The following ELFN1 variants were observed in gnomAD, a reference collection of about 807,000 sequenced individuals.
The protein encoded by ELFN1 is extracellular leucine rich repeat and fibronectin type III domain containing 1.
Under a neutral mutation model 7.6 loss-of-function variants are expected in ELFN1, and 6 were observed. The ratio of observed to expected loss-of-function variants is 0.79; its 90% CI spans 0.43 to 1.56. The LOEUF (loss-of-function observed/expected upper bound fraction) is 1.56. Among genes scored for constraint, ELFN1 ranks in the 40% most tolerant of loss-of-function variants. The probability of loss-of-function intolerance (pLI) is 0.01; values close to 1 mark genes in which losing one functional copy is unlikely to be tolerated. For synonymous variants in ELFN1, 657 were observed against 588.1 expected (o/e 1.12, Z -1.70); for missense variants, 1,169 against 1,232.2 (o/e 0.95, Z 0.77).
chr7:1,703,534 G>A (rs990220292), intron 2 of ELFN1, among the ~76,000 whole-genome samples: 8 of 152,030 alleles, frequency 5.3e-5, no homozygotes, highest in African/African-American at 1.7e-4. Context: ...TGCTTACCCC[G>A]TCTGGAATTT....
intron 3 of ELFN1, among the ~76,000 whole-genome samples, chr7:1,719,073 T>C (rs1319288857): frequency 6.6e-6 from 1 of 151,642 alleles, no homozygotes; most frequent in Non-Finnish European, 1.5e-5. Context: ...AGTGCCTCCA[T>C]CTCCACCCCC....
chr7:1,739,562 C>G lies in ELFN1; in HGVS notation c.-293-4742C>G, dbSNP rs1437865429. On this transcript the variant is annotated intron_variant, in intron 3 of 3. Coordinates refer to ENST00000424383, the MANE Select transcript of ELFN1 (RefSeq NM_001128636.4). This position sits in a 1 kb window ranked among gnomAD's most constrained non-coding sequence, Gnocchi z 4.6. ...TGCACAGAGACAAGAGCACGGGGCACAAGACCCCCTGGGAGAGCTGGGGAG... is the reference window on the plus strand; with the variant it reads ...TGCACAGAGACAAGAGCACGGGGCAGAAGACCCCCTGGGAGAGCTGGGGAG... The G allele has an allele frequency of 6.5e-6, 1 of 153,182 alleles. No individual in the cohort carries two copies. The highest frequency in any genetic ancestry group is 1.5e-5 in the Non-Finnish European group (1 of 68,790). 9.5% of individuals were successfully genotyped at this position (153,182 alleles called of 1,614,324 possible). A position where few individuals can be genotyped will look rare whatever the true frequency, so the allele number is the denominator to read the frequency against.
chr7:1,667,965 TG>T (rs201869702), upstream of ELFN1, among the ~76,000 whole-genome samples: 5,102 of 44,610 alleles, frequency 0.11, 49 homozygotes, highest in South Asian at 0.18. The surrounding 1 kb of genome is among the most constrained non-coding windows in gnomAD (Gnocchi z 8.2). Flanking sequence ...CCGCTCGGGG[TG>T]GGGGGGGGGG....
At chr7:1,721,580 C>T (rs1780023231) in intron 3 of ELFN1, among the ~76,000 whole-genome samples, 1 of 152,226 alleles carries the variant, frequency 6.6e-6, no homozygotes, top group Non-Finnish European at 1.5e-5. Flanking sequence ...GATGAAGGTT[C>T]AGCTTCTCAC....
intron 2 of ELFN1, among the ~76,000 whole-genome samples, chr7:1,689,900 G>C (rs956271676): frequency 6.6e-6 from 1 of 152,194 alleles, no homozygotes; most frequent in African/African-American, 2.4e-5. Flanking sequence ...TCAGGGATCT[G>C]AGCCAATGCA....
chr7:1,720,561 G>A (rs934043652), intron 3 of ELFN1, among the ~76,000 whole-genome samples: 5 of 152,220 alleles, frequency 3.3e-5, no homozygotes, highest in African/African-American at 1.2e-4. Context: ...ATCTAACCAG[G>A]CAGGTGGTAG....
chr7:1,691,214 A>C (rs1450570401), intron 2 of ELFN1, among the ~76,000 whole-genome samples: 1 of 152,182 alleles, frequency 6.6e-6, no homozygotes, highest in Non-Finnish European at 1.5e-5. Context: ...TGCAGACAGC[A>C]GGGTCTAAAC....
intron 3 of ELFN1, among the ~76,000 whole-genome samples, chr7:1,711,575 T>TGAGAGAGAGAGAGAGA (rs55658122): frequency 1.1e-5 from 1 of 87,544 alleles, no homozygotes; most frequent in African/African-American, 4.7e-5. Flanking sequence ...AGCGAGAGAG[T>TGAGAGAGAGAGAGAGA]GAGAGAGAGA....
chr7:1,707,877 T>C (rs1779568625), intron 2 of ELFN1, among the ~76,000 whole-genome samples: 1 of 152,152 alleles, frequency 6.6e-6, no homozygotes, highest in Admixed American at 6.5e-5. Flanking sequence ...TTCTAGCACT[T>C]ACTCTGTCCC....
intron 1 of ELFN1, among the ~76,000 whole-genome samples, chr7:1,678,247 A>G (rs986265026): frequency 6.6e-5 from 10 of 152,090 alleles, no homozygotes; most frequent in Non-Finnish European, 1.0e-4. Flanking sequence ...ACGCACACAC[A>G]CACCATGGGG....
rs1157381286 is a variant in ELFN1 at position 1,673,320 on chromosome 7, C to T, written c.-549+2966C>T. On this transcript the variant is annotated intron_variant, in intron 1 of 3. Transcript: ENST00000424383. This position sits in a 1 kb window ranked among gnomAD's most constrained non-coding sequence, Gnocchi z 4.7. ...GGGGTCCTATGTCTGGCGTCTGTGT[C>T]CTGTTGTGTTGGTTCAGGTCAGGGG... 6.6e-6 allele frequency among the ~76,000 whole-genome samples: 1 copy of T among 152,120 alleles called. No individual in the cohort carries two copies. Among genetic ancestry groups the T allele is most frequent in the East Asian group, 1.9e-4 (1 of 5,186 alleles).
intron 2 of ELFN1, among the ~76,000 whole-genome samples, chr7:1,689,743 T>C (rs1168399571): frequency 3.9e-5 from 6 of 152,198 alleles, no homozygotes; most frequent in Non-Finnish European, 7.4e-5. Context: ...ACGTGCCCAT[T>C]ACAGGTGGCG....
In ELFN1 at chr7:1,707,036, C is replaced by A. The variant is rs373417446; in HGVS notation, c.-455-2055C>A. Among the ~76,000 whole-genome samples the A allele has an allele frequency of 2.6e-5, 4 of 152,046 alleles. No individual in the cohort carries two copies. In the South Asian group the frequency reaches 8.3e-4, roughly 31 times the overall value. On this transcript the variant is annotated intron_variant, in intron 2 of 3. Transcript: ENST00000424383. Reference sequence around the variant, plus strand: ...ACGTACACGTGTACACATGTGTGCACGCACATACATGTCTGTGTACACTCA... The same window carrying A: ...ACGTACACGTGTACACATGTGTGCAAGCACATACATGTCTGTGTACACTCA...
In ELFN1 at chr7:1,745,424, G is replaced by C; in HGVS notation, c.828G>C (p.Pro276=). Residue 276 remains proline (P), a synonymous_variant, in exon 4 of 4, where the codon CCG becomes CCC. Coordinates refer to ENST00000424383, the MANE Select transcript of ELFN1 (RefSeq NM_001128636.4). ...ASGRSQPGRS[P]PPPPPPEPSD... ...GGCGCTCACAGCCGGGCCGCTCCCC[G>C]CCGCCCCCGCCTCCGCCGGAGCCCA... 5.2e-6 allele frequency: 8 copies of C among 1,539,118 alleles called. No individual in the cohort carries two copies. The highest frequency in any genetic ancestry group is 7.0e-6 in the Non-Finnish European group (8 of 1,146,126).
At chr7:1,701,375 C>G (rs942170951) in intron 2 of ELFN1, among the ~76,000 whole-genome samples, 1 of 152,158 alleles carries the variant, frequency 6.6e-6, no homozygotes, top group Non-Finnish European at 1.5e-5. Context: ...ATTTTGTAGA[C>G]ACGGTGTCTT....
intron 2 of ELFN1, among the ~76,000 whole-genome samples, chr7:1,706,802 A>G (rs1481978435): frequency 6.6e-6 from 1 of 152,220 alleles, no homozygotes; most frequent in Non-Finnish European, 1.5e-5. Flanking sequence ...CCTTGTGTCC[A>G]GCCCCTCGGG....
intron 2 of ELFN1, among the ~76,000 whole-genome samples, chr7:1,697,648 C>T (rs1030982976): frequency 6.6e-6 from 1 of 152,076 alleles, no homozygotes; most frequent in Non-Finnish European, 1.5e-5. Context: ...TGAGACCCTT[C>T]TCTAGGGCGG....
intron 2 of ELFN1, among the ~76,000 whole-genome samples, chr7:1,699,225 G>A (rs1779377777): frequency 2.0e-5 from 3 of 152,134 alleles, no homozygotes; most frequent in Admixed American, 6.5e-5. Flanking sequence ...CTGGGCTATC[G>A]TGGGTACTGT....
At chr7:1,675,271 C>A (rs766521458) in intron 1 of ELFN1, among the ~76,000 whole-genome samples, 6 of 152,202 alleles carry the variant, frequency 3.9e-5, no homozygotes, top group Non-Finnish European at 8.8e-5. Flanking sequence ...GAGTGCTGAC[C>A]GCGCTGAGAG....
Sources: allele counts gnomAD v4.1 joint callset (sites outside exome capture counted in the v4.1 genomes callset), GRCh38; gene constraint gnomAD v4.1.1; non-coding constraint Gnocchi (gnomAD v3.1); transcripts MANE v1.5; gene names NCBI Gene and HGNC (gene_info 2026-07-23, HGNC 2026-07-21).